Variants in INF2 observed in about 807,000 individuals in gnomAD.
INF2 encodes the protein inverted formin-2.
In INF2, 43 loss-of-function variants were observed where a neutral mutation model predicts 123.5. That is an observed-to-expected ratio of 0.35 (90% confidence interval 0.27 to 0.45). INF2 has a LOEUF of 0.45. Among genes scored for constraint, INF2 ranks in the 20% least tolerant of loss-of-function variants. The probability of loss-of-function intolerance (pLI) is 1.00; values close to 1 mark genes in which losing one functional copy is unlikely to be tolerated. For missense variants in INF2, 1,453 were observed against 1,682.7 expected (o/e 0.86, Z 2.39); for synonymous variants, 851 against 745.0 (o/e 1.14, Z -2.32).
rs1470165589 is a variant in INF2 at position 104,707,652 on chromosome 14, C to T, written c.1385C>T (p.Pro462Leu). 4.9e-6 allele frequency: 5 copies of T among 1,014,162 alleles called. No individual in the cohort carries two copies. In the Admixed American group the frequency reaches 8.6e-5, roughly 17 times the overall value. 62.8% of individuals were successfully genotyped at this position (1,014,162 alleles called of 1,614,324 possible). ...KALPTAPPPP[P>L]LPGLGAMAPP... ...CTCCCAACAGCACCCCCGCCCCCAC[C>T]CCTGCCAGGCCTGGGGGCCATGGCC... The change falls in exon 8 of 23, where the codon CCC becomes CTC. Residue 462 changes from proline to leucine, a missense_variant. By Grantham distance (98) the Pro-to-Leu change is moderately conservative. This residue lies in a region of INF2 where 374 missense variants were observed against 303.7 expected (regional missense o/e 1.23). Transcript: ENST00000392634.
rs748862922 is a variant in INF2 at position 104,703,975 on chromosome 14, C to T, written c.701+26C>T. On this transcript the variant is annotated intron_variant, in intron 5 of 22. Transcript: ENST00000392634. ...GTGAGTCCCCACTGTAGCGGTCCTG[C>T]CGGCTCCCCCTCCTGCTCCCAAGGC... The T allele has an allele frequency of 4.4e-6, 7 of 1,607,976 alleles. No homozygotes were observed. The East Asian group carries it at 1.3e-4, about 31-fold the overall frequency.
At chr14:104,686,071 G>C (rs988476839), upstream of INF2, among the ~76,000 whole-genome samples, 1 of 150,384 alleles carries the variant, frequency 6.6e-6, no homozygotes. Context: ...GGATGGATGA[G>C]GGTGGGTGGA....
At position 104,707,701 on chromosome 14, in the gene INF2, A is replaced by G; in HGVS notation, c.1434A>G (p.Pro478=). The part of the protein sequence containing the change: ...AMAPPAPPLP[P]PLPGSCEFLP... Reference sequence around the variant, plus strand: ...CCCCCCCAGCACCTCCTCTACCACCACCCCTGCCAGGCTCCTGTGAGTTCC... The same window carrying G: ...CCCCCCCAGCACCTCCTCTACCACCGCCCCTGCCAGGCTCCTGTGAGTTCC... Residue 478 remains proline (P), a synonymous_variant, in exon 8 of 23, where the codon CCA becomes CCG. Transcript: ENST00000392634. The G allele has an allele frequency of 1.6e-6, 1 of 644,522 alleles. No individual in the cohort carries two copies. The highest frequency in any genetic ancestry group is 2.1e-6 in the Non-Finnish European group (1 of 474,748). The allele number at this position is 644,522 out of a possible 1,614,324, so 39.9% of individuals were successfully genotyped here. A position where few individuals can be genotyped will look rare whatever the true frequency, so the allele number is the denominator to read the frequency against.
chr14:104,684,131 G>T lies in INF2; in HGVS notation c.-104+2549G>T, dbSNP rs1443053823. On this transcript the variant is annotated intron_variant, in intron 1 of 2. Coordinates refer to the INF2 transcript ENST00000674723. This position sits in a 1 kb window ranked among gnomAD's most constrained non-coding sequence, Gnocchi z 5.0. ...ACATAAGACAGTTCAAAGCTGAGCG[G>T]CTCTCCCCATCATGCAAGTAACCTG... The T allele has an allele frequency of 2.2e-6, 1 of 455,938 alleles. No homozygotes were observed. Among genetic ancestry groups the T allele is most frequent in the Non-Finnish European group, 4.4e-6 (1 of 226,696 alleles). The allele number at this position is 455,938 out of a possible 1,614,324, so 28.2% of individuals were successfully genotyped here.
chr14:104,721,807 C>G lies in INF2; in HGVS notation c.*3014C>G, dbSNP rs1268368257. 6.6e-6 allele frequency: 1 copy of G among 152,270 alleles called. No homozygotes were observed. The highest frequency in any genetic ancestry group is 6.5e-5 in the Admixed American group (1 of 15,280). The allele number at this position is 152,270 out of a possible 1,614,324, so 9.4% of individuals were successfully genotyped here. ...CTGGTTTTTCTTTTTCCTCTGTGCT[C>G]CATGAGAAGTCAGTTTAGTGGGCTA... On this transcript the variant is annotated 3_prime_UTR_variant, in exon 23 of 23. Coordinates refer to ENST00000392634, the MANE Select transcript of INF2 (RefSeq NM_022489.4).
chr14:104,692,799 C>T (rs1299888098), intron 1 of INF2, among the ~76,000 whole-genome samples: 2 of 152,270 alleles, frequency 1.3e-5, no homozygotes, highest in South Asian at 4.1e-4. Flanking sequence ...CTTGCCACGC[C>T]AATGGCCAAG....
chr14:104,712,612 G>A (rs1890105965), intron 17 of INF2, 59 bp downstream of exon 17: 1 of 1,609,642 alleles, frequency 6.2e-7, no homozygotes, highest in Admixed American at 1.7e-5. Flanking sequence ...GAGTGAGCTG[G>A]GCGAGTGGCT....
At chr14:104,698,427 G>A (rs1014409809) in intron 1 of INF2, among the ~76,000 whole-genome samples, 1 of 152,252 alleles carries the variant, frequency 6.6e-6, no homozygotes, top group Non-Finnish European at 1.5e-5. Flanking sequence ...ACTCACAGGC[G>A]GGCGGGGGAG....
chr14:104,714,009 A>G (rs1309079118), intron 20 of INF2, among the ~76,000 whole-genome samples, 194 bp from the exon 21 acceptor site: 1 of 152,204 alleles, frequency 6.6e-6, no homozygotes, highest in African/African-American at 2.4e-5. Context: ...GGCATGGCCC[A>G]GTGTCCCCCA....
intron 22 of INF2, among the ~76,000 whole-genome samples, chr14:104,717,976 G>A (rs7156096): frequency 0.63 from 95,388 of 152,096 alleles, 30,888 homozygotes; most frequent in East Asian, 0.91. Context: ...GGCCCTGAGC[G>A]CTTCCCATCT....
At chr14:104,710,443 C>T (rs908566362) in intron 13 of INF2, among the ~76,000 whole-genome samples, 11 of 147,788 alleles carry the variant, frequency 7.4e-5, no homozygotes, top group Admixed American at 2.0e-4. Context: ...TGCCACTCTC[C>T]GGCACGCGCA....
intron 1 of INF2, among the ~76,000 whole-genome samples, chr14:104,682,813 C>G (rs77732021): frequency 2.6e-4 from 40 of 152,088 alleles, no homozygotes; most frequent in African/African-American, 7.0e-4. Flanking sequence ...ATCCTCACGT[C>G]CCCCCCGGAC....
chr14:104,704,290 A>G, intron 5 of INF2: 6 of 842,740 alleles, frequency 7.1e-6, no homozygotes, highest in Non-Finnish European at 1.0e-5. Context: ...AGGGAACTAC[A>G]GGGTGGTTCA....
chr14:104,702,359 C>T (rs1019768161), intron 2 of INF2, among the ~76,000 whole-genome samples: 4 of 152,256 alleles, frequency 2.6e-5, no homozygotes, highest in Non-Finnish European at 5.9e-5. Flanking sequence ...CCTTTGCGTC[C>T]TCCAAGGTCC....
chr14:104,698,017 C>T (rs1381543065), intron 1 of INF2, among the ~76,000 whole-genome samples: 1 of 152,264 alleles, frequency 6.6e-6, no homozygotes. Flanking sequence ...TCAGCCAGAG[C>T]TGGTGCCGGC....
At chr14:104,685,141 G>A (rs1007520954), upstream of INF2, among the ~76,000 whole-genome samples, 2 of 152,202 alleles carry the variant, frequency 1.3e-5, no homozygotes, top group African/African-American at 2.4e-5. Flanking sequence ...AGATTCTACT[G>A]TATGTGTGTG....
At position 104,696,082 on chromosome 14, in the gene INF2, G is replaced by A. The variant is rs115804981; in HGVS notation, c.-9-5275G>A. Among the ~76,000 whole-genome samples, 1,254 of 152,188 alleles carry A rather than the reference G, an allele frequency of 8.2e-3. 20 individuals are homozygous for A. The highest frequency in any genetic ancestry group is 0.029 in the African/African-American group (1,201 of 41,488). The stretch of plus-strand genomic sequence containing the variant: ...CGCACCCACCATGTGATTGAAATCC[G>A]TCACCATGCGGCCTGCTTCCCATCT... On this transcript the variant is annotated intron_variant, in intron 1 of 22. Transcript: ENST00000392634.
In INF2 at chr14:104,712,434, A is replaced by T. The variant is rs751004003; in HGVS notation, c.2491A>T (p.Ile831Phe). The change falls in exon 17 of 23, where the codon ATC (isoleucine) becomes TTC (phenylalanine). Residue 831 changes from isoleucine to phenylalanine, a missense_variant and splice_region_variant. Ile to Phe is a conservative substitution (Grantham distance 21, BLOSUM62 0). Transcript: ENST00000392634. ...TGCCCGGCCCTCCTCACCTTTCAGG[A>T]TCAACCTGGAGATCATCCGCTCAGA... Reference protein sequence around the residue: ...DLEQPSQAAGINLEIIRSEAS... With the variant: ...DLEQPSQAAGFNLEIIRSEAS... 4 of 1,612,346 alleles carry T rather than the reference A, an allele frequency of 2.5e-6. No individual in the cohort carries two copies. The highest frequency in any genetic ancestry group is 3.4e-6 in the Non-Finnish European group (4 of 1,179,748).
chr14:104,689,590 T>TTCCCC, upstream of INF2: 8 of 646,934 alleles, frequency 1.2e-5, no homozygotes, highest in South Asian at 7.1e-5. Flanking sequence ...CTCCTCTTCC[T>TTCCCC]CCCGCCCGCC....
Sources: allele counts gnomAD v4.1 joint callset (sites outside exome capture counted in the v4.1 genomes callset), GRCh38; gene constraint gnomAD v4.1.1; regional missense constraint gnomAD v4.1.1; non-coding constraint Gnocchi (gnomAD v3.1); transcripts MANE v1.5; gene names NCBI Gene and HGNC (gene_info 2026-07-23, HGNC 2026-07-21).